The following MTMR12 variants were observed in gnomAD, a reference collection of about 807,000 sequenced individuals.
MTMR12 encodes myotubularin-related protein 12.
A neutral mutation model predicts 96.7 loss-of-function variants in MTMR12; 33 were observed. The observed-to-expected ratio is 0.34, with a 90% CI of 0.26 to 0.46. MTMR12 has a LOEUF of 0.46. Among genes scored for constraint, MTMR12 ranks in the 20% least tolerant of loss-of-function variants. MTMR12 has a pLI of 1.00. For synonymous variants in MTMR12, 298 were observed against 327.2 expected, an observed-to-expected ratio of 0.91 and a Z score of 0.96; for missense variants, 721 against 896.1, an observed-to-expected ratio of 0.80 and a Z score of 2.49.
At chr5:32,232,277 C>G (rs938232669) in intron 15 of MTMR12, among the ~76,000 whole-genome samples, 1 of 152,240 alleles carries the variant, frequency 6.6e-6, no homozygotes, top group Non-Finnish European at 1.5e-5. Flanking sequence ...CAACACATTG[C>G]TCCACCTGAT....
chr5:32,235,171 G>A (rs1748166198), intron 13 of MTMR12, 42 bp from the exon 14 acceptor site: 1 of 1,573,406 alleles, frequency 6.4e-7, no homozygotes, highest in Non-Finnish European at 8.6e-7. Context: ...GCAGAGCCCA[G>A]AGCAAGCCAT....
intron 9 of MTMR12, among the ~76,000 whole-genome samples, chr5:32,248,507 T>G (rs1748785425): frequency 6.6e-6 from 1 of 152,192 alleles, no homozygotes; most frequent in African/African-American, 2.4e-5. Flanking sequence ...GACCTAAATT[T>G]GACAACTGTT....
chr5:32,230,445 G>T, intron 15 of MTMR12, 98 bp from the exon 16 acceptor site: 1 of 1,168,080 alleles, frequency 8.6e-7, no homozygotes, highest in Non-Finnish European at 1.2e-6. Context: ...GCTTTAACAA[G>T]TTCCAAGAGA....
intron 15 of MTMR12, among the ~76,000 whole-genome samples, chr5:32,231,885 A>C (rs1276418194): frequency 6.6e-6 from 1 of 152,162 alleles, no homozygotes; most frequent in Non-Finnish European, 1.5e-5. Flanking sequence ...TGAGCACCTC[A>C]TTCTCAAAGT....
At chr5:32,278,320 C>G (rs2112099302) in intron 1 of MTMR12, among the ~76,000 whole-genome samples, 1 of 152,256 alleles carries the variant, frequency 6.6e-6, no homozygotes, top group African/African-American at 2.4e-5. Flanking sequence ...TATAATCAGT[C>G]AAATTCTGAC....
chr5:32,296,828 C>T (rs536252233), intron 1 of MTMR12, among the ~76,000 whole-genome samples: 43 of 149,242 alleles, frequency 2.9e-4, no homozygotes, highest in Admixed American at 8.7e-4. Flanking sequence ...AGTGGCCGGG[C>T]GCGGTGGCTC....
intron 1 of MTMR12, among the ~76,000 whole-genome samples, chr5:32,287,533 T>TTA (rs1034320128): frequency 1.3e-5 from 2 of 152,130 alleles, no homozygotes; most frequent in African/African-American, 2.4e-5. Flanking sequence ...AAACTCCCCT[T>TTA]TATATATATA....
intron 6 of MTMR12, among the ~76,000 whole-genome samples, chr5:32,266,508 T>C (rs143025413): frequency 0.032 from 4,768 of 151,296 alleles, 255 homozygotes; most frequent in African/African-American, 0.11. Context: ...GCCAACATAG[T>C]GAAACCCTGT....
In MTMR12 at chr5:32,228,105, C is replaced by T. The variant is rs1561725194; in HGVS notation, c.*1673G>A. 1 of 152,426 alleles carries T rather than the reference C, an allele frequency of 6.6e-6. No individual in the cohort carries two copies. Among genetic ancestry groups the T allele is most frequent in the East Asian group, 1.9e-4 (1 of 5,174 alleles). The allele number at this position is 152,426 out of a possible 1,614,324, so 9.4% of individuals were successfully genotyped here. ...CCACCTCCCAGGCTCACGGGATCCT[C>T]CCACCTCAGCCTCCCGAGTAGCTGG... On this transcript the variant is annotated 3_prime_UTR_variant, in exon 16 of 16. Coordinates refer to ENST00000382142, the MANE Select transcript of MTMR12 (RefSeq NM_001040446.3).
intron 13 of MTMR12, 31 bp from the exon 14 acceptor site, chr5:32,235,160 G>A: frequency 3.1e-6 from 5 of 1,594,694 alleles, no homozygotes; most frequent in Non-Finnish European, 4.3e-6. Flanking sequence ...TTACTTGGTG[G>A]GCAGAGCCCA....
chr5:32,309,264 A>G (rs1233887059), intron 1 of MTMR12, among the ~76,000 whole-genome samples: 1 of 152,256 alleles, frequency 6.6e-6, no homozygotes, highest in East Asian at 1.9e-4. Flanking sequence ...TTCCCTGAAG[A>G]GAAAAGTTTA....
intron 6 of MTMR12, among the ~76,000 whole-genome samples, chr5:32,264,165 G>A (rs1261426266): frequency 6.6e-6 from 1 of 152,170 alleles, no homozygotes; most frequent in Admixed American, 6.5e-5. Flanking sequence ...ATGCCCTGGA[G>A]CACCGCTCTT....
At position 32,281,768 on chromosome 5, in the gene MTMR12, T is replaced by A. The variant is rs577404986; in HGVS notation, c.82-5026A>T. 1.9e-3 allele frequency among the ~76,000 whole-genome samples: 286 copies of A among 151,850 alleles called. 2 individuals carry two copies. Among genetic ancestry groups the A allele is most frequent in the African/African-American group, 6.5e-3 (270 of 41,442 alleles). On this transcript the variant is annotated intron_variant, in intron 1 of 15. Transcript: ENST00000382142. Reference sequence around the variant, plus strand: ...TATAAAAATTAGCCAGGCATGGTGATGCATGCCTATAATCCCAGCTACTCA... The same window carrying A: ...TATAAAAATTAGCCAGGCATGGTGAAGCATGCCTATAATCCCAGCTACTCA...
At chr5:32,254,595 C>T (rs1749068665) in intron 8 of MTMR12, among the ~76,000 whole-genome samples, 1 of 152,160 alleles carries the variant, frequency 6.6e-6, no homozygotes, top group Non-Finnish European at 1.5e-5. Flanking sequence ...TGGCTCTCAA[C>T]ACTTTGGGAG....
chr5:32,234,550 G>C (rs1748131247), intron 14 of MTMR12, among the ~76,000 whole-genome samples: 1 of 152,214 alleles, frequency 6.6e-6, no homozygotes, highest in Non-Finnish European at 1.5e-5. Context: ...CAAATGGACA[G>C]CTTTGAATTT....
intron 15 of MTMR12, 104 bp from the exon 16 acceptor site, chr5:32,230,451 A>G (rs1747952849): frequency 3.6e-6 from 4 of 1,112,524 alleles, no homozygotes; most frequent in South Asian, 1.5e-5. Context: ...ACAAGTTCCA[A>G]GAGACATCAG....
chr5:32,230,066 G>C lies in MTMR12; in HGVS notation c.1956C>G (p.Ile652Met). Reference sequence around the variant, plus strand: ...GAGTGGCCACTTGGCCACCACCTAGGATTTGGGCTTCTGGAATCCAACGTA... The same window carrying C: ...GAGTGGCCACTTGGCCACCACCTAGCATTTGGGCTTCTGGAATCCAACGTA... ...RYLRWIPEAQ[I>M]LGGGQVATLS... is the part of the protein sequence containing the mutation. The change falls in exon 16 of 16, where the codon ATC becomes ATG. Residue 652 changes from isoleucine to methionine, a missense_variant. Coordinates refer to ENST00000382142, the MANE Select transcript of MTMR12 (RefSeq NM_001040446.3). 1 of 1,613,190 alleles carries C rather than the reference G, an allele frequency of 6.2e-7. No individual in the cohort carries two copies. Among genetic ancestry groups the C allele is most frequent in the Non-Finnish European group, 8.5e-7 (1 of 1,179,294 alleles).
In MTMR12 at chr5:32,250,804, G is replaced by A. The variant is rs187617622; in HGVS notation, c.790-1926C>T. ...ATAACTGTCTCATCTCATCTGAGGC[G>A]TGAAGGGCCAACTCCCTTACTATTC... On this transcript the variant is annotated intron_variant, in intron 8 of 15. Coordinates refer to ENST00000382142, the MANE Select transcript of MTMR12 (RefSeq NM_001040446.3). Among the ~76,000 whole-genome samples the A allele has an allele frequency of 9.0e-3, 1,370 of 152,244 alleles. 23 individuals carry two copies. The highest frequency in any genetic ancestry group is 0.031 in the African/African-American group (1,300 of 41,544).
At chr5:32,282,428 T>C (rs1262687718) in intron 1 of MTMR12, among the ~76,000 whole-genome samples, 1 of 137,160 alleles carries the variant, frequency 7.3e-6, no homozygotes, top group Non-Finnish European at 1.6e-5. Flanking sequence ...CTAAAATAAA[T>C]AAATAAATAA....
Sources: gnomAD v4.1 joint callset for allele counts (sites outside exome capture counted in the v4.1 genomes callset) on GRCh38, gnomAD v4.1.1 for gene constraint, MANE v1.5 for transcripts, NCBI Gene and HGNC (gene_info 2026-07-23, HGNC 2026-07-21) for gene names.